Variants in OSBPL6 observed in about 807,000 individuals in gnomAD.
The protein encoded by OSBPL6 is oxysterol binding protein like 6.
OSBPL6 carries 49 observed loss-of-function variants against 125.8 expected under a neutral mutation model. That is an observed-to-expected ratio of 0.39 (90% CI 0.31 to 0.49). The LOEUF is 0.49. Among genes scored for constraint, OSBPL6 ranks in the 20% least tolerant of loss-of-function variants. The pLI is 0.88. For synonymous variants in OSBPL6, 394 were observed against 391.8 expected (o/e 1.01, Z -0.07); for missense variants, 986 against 1,135.4 (o/e 0.87, Z 1.89).
At chr2:178,297,500 G>A (rs1685866360) in intron 2 of OSBPL6, among the ~76,000 whole-genome samples, 1 of 152,170 alleles carries the variant, frequency 6.6e-6, no homozygotes, top group African/African-American at 2.4e-5. Flanking sequence ...CACAATCAAT[G>A]TTATTTAATG....
intron 1 of OSBPL6, among the ~76,000 whole-genome samples, chr2:178,205,567 G>A (rs867271580): frequency 1.1e-4 from 17 of 152,302 alleles, no homozygotes; most frequent in African/African-American, 3.8e-4. Flanking sequence ...AGGACATAAA[G>A]AGTGCTCATG....
intron 1 of OSBPL6, among the ~76,000 whole-genome samples, chr2:178,276,700 G>A (rs1263473098): frequency 6.6e-6 from 1 of 151,222 alleles, no homozygotes. Context: ...AAGTTTCCCT[G>A]AACTTCTCTT....
intron 1 of OSBPL6, among the ~76,000 whole-genome samples, chr2:178,257,904 T>G (rs2091937166): frequency 6.6e-6 from 1 of 151,898 alleles, no homozygotes. Flanking sequence ...TCCTCCTGCC[T>G]AAGCCTCATG....
intron 1 of OSBPL6, among the ~76,000 whole-genome samples, chr2:178,207,656 G>A (rs1162817569): frequency 6.6e-6 from 1 of 152,142 alleles, no homozygotes; most frequent in Non-Finnish European, 1.5e-5. Context: ...TGCATGCCAT[G>A]AGTATGCAGG....
chr2:178,319,661 A>G (rs967315241), intron 3 of OSBPL6, among the ~76,000 whole-genome samples: 4 of 152,236 alleles, frequency 2.6e-5, no homozygotes, highest in African/African-American at 9.6e-5. Context: ...AGAGATAGGA[A>G]TGTAAAAACC....
At chr2:178,389,871 T>A (rs1695254354) in intron 21 of OSBPL6, among the ~76,000 whole-genome samples, 1 of 152,090 alleles carries the variant, frequency 6.6e-6, no homozygotes, top group Non-Finnish European at 1.5e-5. Context: ...CATATTGGAG[T>A]CTTAAGACTC....
At chr2:178,245,417 G>T (rs2091453466) in intron 1 of OSBPL6, among the ~76,000 whole-genome samples, 1 of 152,192 alleles carries the variant, frequency 6.6e-6, no homozygotes, top group African/African-American at 2.4e-5. Flanking sequence ...CCTACCCCAG[G>T]TTCAAGTATG....
chr2:178,354,058 G>A (rs1285167337), intron 12 of OSBPL6, among the ~76,000 whole-genome samples: 1 of 152,100 alleles, frequency 6.6e-6, no homozygotes, highest in Non-Finnish European at 1.5e-5. Context: ...TCAACACCAG[G>A]CCTGCCTTAC....
chr2:178,266,313 A>G (rs773350824), intron 1 of OSBPL6, among the ~76,000 whole-genome samples: 10 of 152,108 alleles, frequency 6.6e-5, no homozygotes, highest in Non-Finnish European at 1.5e-4. Context: ...CTGTTTATTG[A>G]CCTATTACAA....
In OSBPL6 at chr2:178,194,611, T is replaced by G. The variant is rs2088741563; in HGVS notation, c.-414T>G. On this transcript the variant is annotated 5_prime_UTR_variant, in exon 1 of 25. Coordinates refer to ENST00000190611, the MANE Select transcript of OSBPL6 (RefSeq NM_032523.4). The stretch of plus-strand genomic sequence containing the variant: ...CGCCTGCCGGGGCCGGCTCTCCGCC[T>G]CCTGCCTCCCGTCGCAGCCGCGCAG... The G allele has an allele frequency of 6.5e-6, 1 of 153,528 alleles. No homozygotes were observed. The highest frequency in any genetic ancestry group is 1.4e-5 in the Non-Finnish European group (1 of 69,296). 9.5% of individuals were successfully genotyped at this position (153,528 alleles called of 1,614,324 possible).
intron 2 of OSBPL6, among the ~76,000 whole-genome samples, chr2:178,294,090 T>C (rs946798661): frequency 6.6e-6 from 1 of 152,144 alleles, no homozygotes; most frequent in Non-Finnish European, 1.5e-5. Flanking sequence ...CAAATAATAA[T>C]GAAGTATTCA....
In OSBPL6 at chr2:178,198,658, G is replaced by A. The variant is rs1428735317; in HGVS notation, c.-351+3984G>A. Among the ~76,000 whole-genome samples the A allele has an allele frequency of 5.3e-5, 3 of 56,088 alleles. No homozygotes were observed. The Admixed American group carries it at 6.2e-4, about 12-fold the overall frequency. The allele number at this position is 56,088 out of a possible 152,430, so 36.8% of individuals were successfully genotyped here. Reference sequence around the variant, plus strand: ...AATAAATAAATAAATAAATAAATAAGAGAACTGCGGCACAAAGAGGTTAAG... The same window carrying A: ...AATAAATAAATAAATAAATAAATAAAAGAACTGCGGCACAAAGAGGTTAAG... On this transcript the variant is annotated intron_variant, in intron 1 of 24. Coordinates refer to ENST00000190611, the MANE Select transcript of OSBPL6 (RefSeq NM_032523.4).
intron 1 of OSBPL6, among the ~76,000 whole-genome samples, chr2:178,222,902 A>G (rs2090402081): frequency 6.6e-6 from 1 of 152,102 alleles, no homozygotes; most frequent in Admixed American, 6.5e-5. Context: ...TATTATATTT[A>G]TTTTTCATAA....
intron 1 of OSBPL6, among the ~76,000 whole-genome samples, chr2:178,279,696 G>T (rs561825018): frequency 5.5e-4 from 84 of 152,258 alleles, no homozygotes; most frequent in African/African-American, 1.9e-3. Context: ...GCCAATTTTG[G>T]TTATACTTTT....
At chr2:178,272,038 C>T (rs557902522) in intron 1 of OSBPL6, among the ~76,000 whole-genome samples, 3 of 152,294 alleles carry the variant, frequency 2.0e-5, no homozygotes, top group East Asian at 1.9e-4. Flanking sequence ...AACTCATTTA[C>T]GTAACAGGTT....
chr2:178,218,634 T>TTC (rs1311333885), intron 1 of OSBPL6, among the ~76,000 whole-genome samples: 1 of 28,770 alleles, frequency 3.5e-5, no homozygotes, highest in East Asian at 4.3e-4. Flanking sequence ...TCTTTCTTTC[T>TTC]TTTTTTTTTT....
intron 1 of OSBPL6, among the ~76,000 whole-genome samples, chr2:178,231,771 C>T (rs930434130): frequency 3.3e-5 from 5 of 151,088 alleles, no homozygotes; most frequent in African/African-American, 9.7e-5. Flanking sequence ...CTTATCCTCC[C>T]AAATAGCTGA....
At chr2:178,260,836 G>A (rs955041111) in intron 1 of OSBPL6, among the ~76,000 whole-genome samples, 27 of 152,224 alleles carry the variant, frequency 1.8e-4, no homozygotes, top group African/African-American at 1.2e-4. Context: ...TGGATGTTAC[G>A]AAATTTCAAG....
intron 3 of OSBPL6, among the ~76,000 whole-genome samples, chr2:178,321,938 G>T (rs2154071254): frequency 6.6e-6 from 1 of 152,230 alleles, no homozygotes; most frequent in Admixed American, 6.5e-5. Flanking sequence ...GACTAATATT[G>T]TTTTCTTTGT....
Sources: allele counts gnomAD v4.1 joint callset (sites outside exome capture counted in the v4.1 genomes callset), GRCh38; gene constraint gnomAD v4.1.1; transcripts MANE v1.5; gene names NCBI Gene and HGNC (gene_info 2026-07-23, HGNC 2026-07-21).